Variants in GPM6A observed in about 807,000 individuals in gnomAD.
GPM6A encodes glycoprotein M6A.
A neutral mutation model predicts 32.1 loss-of-function variants in GPM6A; 7 were observed. That is an observed-to-expected ratio of 0.22 (90% CI 0.12 to 0.41). The LOEUF is 0.41. Among genes scored for constraint, GPM6A ranks in the 10% least tolerant of loss-of-function variants. The probability of loss-of-function intolerance (pLI) is 1.00; values close to 1 mark genes in which losing one functional copy is unlikely to be tolerated. For synonymous variants in GPM6A, 130 were observed against 123.4 expected (o/e 1.05, Z -0.35); for missense variants, 235 against 347.2 (o/e 0.68, Z 2.57).
intron 2 of GPM6A, among the ~76,000 whole-genome samples, chr4:175,686,477 T>C (rs1045864281): frequency 2.0e-5 from 3 of 152,126 alleles, no homozygotes; most frequent in Non-Finnish European, 2.9e-5. Flanking sequence ...TGTTTCCTTA[T>C]GAGATACAGG....
intron 1 of GPM6A, among the ~76,000 whole-genome samples, chr4:175,932,671 T>C (rs1043073795): frequency 2.6e-5 from 4 of 152,086 alleles, no homozygotes; most frequent in Admixed American, 6.5e-5. Context: ...AGAAAATACA[T>C]GGTAACAATT....
chr4:175,712,365 C>G (rs963714227), intron 1 of GPM6A, among the ~76,000 whole-genome samples: 1 of 152,140 alleles, frequency 6.6e-6, no homozygotes, highest in Non-Finnish European at 1.5e-5. Flanking sequence ...GATGCTGGCT[C>G]GTGGTGCCCC....
intron 3 of GPM6A, among the ~76,000 whole-genome samples, chr4:175,666,323 C>A (rs959387450): frequency 6.6e-6 from 1 of 152,086 alleles, no homozygotes; most frequent in Non-Finnish European, 1.5e-5. Context: ...TTAGTTTCCC[C>A]ATAAAGCAAC....
chr4:175,896,659 C>T (rs1040298089), intron 1 of GPM6A, among the ~76,000 whole-genome samples: 1 of 152,074 alleles, frequency 6.6e-6, no homozygotes, highest in African/African-American at 2.4e-5. Flanking sequence ...TGTTTTCTGC[C>T]TTGCAAAAAT....
intron 1 of GPM6A, chr4:175,972,019 A>G (rs1026133344): frequency 6.6e-6 from 1 of 152,170 alleles, no homozygotes; most frequent in Non-Finnish European, 1.5e-5. Context: ...AAGTATTTCC[A>G]GTCAGAAGAG....
intron 1 of GPM6A, among the ~76,000 whole-genome samples, chr4:175,739,444 A>G (rs1488528737): frequency 6.6e-6 from 1 of 152,144 alleles, no homozygotes; most frequent in Non-Finnish European, 1.5e-5. Context: ...GTTCTTTCTA[A>G]GCCTACAGAT....
chr4:175,901,628 C>CTTTTTTTTTTTTTTCTTTTT (rs59461626), intron 1 of GPM6A, among the ~76,000 whole-genome samples: 2 of 127,030 alleles, frequency 1.6e-5, no homozygotes, highest in African/African-American at 3.0e-5. Flanking sequence ...TTTTCTTTTT[C>CTTTTTTTTTTTTTTCTTTTT]TTTTTTTTTT....
intron 1 of GPM6A, among the ~76,000 whole-genome samples, chr4:175,768,121 T>C (rs1733047264): frequency 6.6e-6 from 1 of 152,212 alleles, no homozygotes; most frequent in Non-Finnish European, 1.5e-5. Flanking sequence ...AGGGGAAGAA[T>C]TTGTTTTAAT....
At chr4:175,654,936 C>T (rs1309295403) in intron 3 of GPM6A, among the ~76,000 whole-genome samples, 1 of 152,046 alleles carries the variant, frequency 6.6e-6, no homozygotes, top group African/African-American at 2.4e-5. Context: ...ATTTGTTCTA[C>T]CCTTAGGGAT....
chr4:175,820,488 TTTC>T (rs1490157152), intron 1 of GPM6A, among the ~76,000 whole-genome samples: 2 of 124,068 alleles, frequency 1.6e-5, no homozygotes, highest in Non-Finnish European at 3.2e-5. Context: ...GGTTTTCTTT[TTTC>T]TTTTCTTTCT....
rs533484079 is a variant in GPM6A, at chr4:175,933,087, G to A, written c.-23+69222C>T. Among the ~76,000 whole-genome samples, 9 of 151,546 alleles carry A rather than the reference G, an allele frequency of 5.9e-5. No individual in the cohort carries two copies. In the East Asian group the frequency reaches 1.6e-3, roughly 26 times the overall value. On this transcript the variant is annotated intron_variant, in intron 1 of 7. Coordinates refer to the GPM6A transcript ENST00000280187. ...TTTATATAAAGAAATAAATAAGAGT[G>A]AAAGATTGGAAAAGATACACCAAGC... is the stretch of plus-strand genomic sequence containing the variant.
chr4:175,971,891 T>A (rs1231613903), intron 1 of GPM6A: 2 of 152,186 alleles, frequency 1.3e-5, no homozygotes, highest in East Asian at 3.8e-4. Flanking sequence ...TGAAAGTCAG[T>A]GATGGGATCT....
At chr4:175,828,945 CAG>C (rs374812235) in intron 1 of GPM6A, among the ~76,000 whole-genome samples, 44 of 152,158 alleles carry the variant, frequency 2.9e-4, no homozygotes, top group Admixed American at 1.0e-3. Context: ...TGTTTTGAGA[CAG>C]GGTTTGATTT....
intron 1 of GPM6A, among the ~76,000 whole-genome samples, chr4:175,804,882 A>G (rs1163976740): frequency 1.3e-5 from 2 of 152,056 alleles, no homozygotes; most frequent in Non-Finnish European, 2.9e-5. Flanking sequence ...TGTCTCTACT[A>G]AAAACACAAA....
chr4:175,951,831 G>A (rs1039838442), intron 1 of GPM6A, among the ~76,000 whole-genome samples: 2 of 152,150 alleles, frequency 1.3e-5, no homozygotes, highest in African/African-American at 4.8e-5. Flanking sequence ...AGATTGCCCT[G>A]CATAATGAGG....
intron 1 of GPM6A, among the ~76,000 whole-genome samples, chr4:175,922,921 T>C (rs1738713124): frequency 6.6e-6 from 1 of 152,156 alleles, no homozygotes. Context: ...TTAGCAGTTA[T>C]AAACAGAAAC....
intron 1 of GPM6A, among the ~76,000 whole-genome samples, chr4:175,709,831 C>T (rs1438568024): frequency 6.6e-6 from 1 of 151,958 alleles, no homozygotes; most frequent in African/African-American, 2.4e-5. Context: ...GATCTCTTCC[C>T]ATTATAGCCA....
intron 1 of GPM6A, among the ~76,000 whole-genome samples, chr4:175,834,201 A>C (rs28621852): frequency 0.27 from 41,736 of 151,822 alleles, 5,747 homozygotes; most frequent in East Asian, 0.39. Flanking sequence ...CTTTCATAAA[A>C]CCATGCAAAA....
At chr4:175,786,151 G>A (rs1733789932) in intron 1 of GPM6A, among the ~76,000 whole-genome samples, 1 of 152,052 alleles carries the variant, frequency 6.6e-6, no homozygotes. Flanking sequence ...AAAAGTGCTA[G>A]GTGTTTCTTT....
Sources: gnomAD v4.1 joint callset for allele counts (sites outside exome capture counted in the v4.1 genomes callset) on GRCh38, gnomAD v4.1.1 for gene constraint, MANE v1.5 for transcripts, NCBI Gene and HGNC (gene_info 2026-07-23, HGNC 2026-07-21) for gene names.